Variants in CSMD1 observed in about 807,000 individuals in gnomAD.
The protein encoded by CSMD1 is CUB and Sushi multiple domains 1.
Under a neutral mutation model 417.5 loss-of-function variants are expected in CSMD1, and 213 were observed. The observed-to-expected ratio is 0.51, with a 90% CI of 0.46 to 0.57. The LOEUF (loss-of-function observed/expected upper bound fraction) is 0.57. Among genes scored for constraint, CSMD1 ranks in the 20% least tolerant of loss-of-function variants. The pLI, the probability that CSMD1 is intolerant of heterozygous loss-of-function variation, is 0.00. For synonymous variants in CSMD1, 2,862 were observed against 1,736.8 expected (o/e 1.65, Z -16.11); for missense variants, 6,923 against 4,529.7 (o/e 1.53, Z -15.17).
chr8:4,874,474 C>T (rs966465232), intron 1 of CSMD1, among the ~76,000 whole-genome samples: 28 of 150,080 alleles, frequency 1.9e-4, no homozygotes, highest in Non-Finnish European at 3.8e-4. Context: ...ACTGCAATCT[C>T]TGCCTCCCAG....
chr8:3,761,645 A>G (rs565824032), intron 5 of CSMD1, among the ~76,000 whole-genome samples: 171 of 151,526 alleles, frequency 1.1e-3, no homozygotes, highest in Middle Eastern at 3.5e-3. Context: ...ATCTGGGATT[A>G]TAGGCACAAA....
chr8:4,247,925 G>C (rs1024679580), intron 3 of CSMD1, among the ~76,000 whole-genome samples: 1 of 152,058 alleles, frequency 6.6e-6, no homozygotes, highest in African/African-American at 2.4e-5. Context: ...TGTGATGTAG[G>C]TACATTAATC....
At chr8:4,967,231 A>G (rs540161640) in intron 1 of CSMD1, among the ~76,000 whole-genome samples, 11 of 152,338 alleles carry the variant, frequency 7.2e-5, no homozygotes, top group Non-Finnish European at 7.3e-5. Flanking sequence ...TAAGTAAAAA[A>G]TCAAAGTTGG....
intron 17 of CSMD1, among the ~76,000 whole-genome samples, chr8:3,393,679 G>T (rs940050585): frequency 6.6e-6 from 1 of 151,912 alleles, no homozygotes. Context: ...ATGAGTTCAT[G>T]TCTTTTGTAG....
At chr8:4,308,062 A>G (rs76993724) in intron 3 of CSMD1, among the ~76,000 whole-genome samples, 2,574 of 152,280 alleles carry the variant, frequency 0.017, 79 homozygotes, top group African/African-American at 0.058. Flanking sequence ...TTTCAGCCTC[A>G]GTTACACACT....
intron 5 of CSMD1, among the ~76,000 whole-genome samples, chr8:3,878,176 G>A (rs1490938261): frequency 1.3e-5 from 2 of 152,020 alleles, no homozygotes; most frequent in Non-Finnish European, 2.9e-5. Flanking sequence ...GATTCAAATG[G>A]AGAATTCCAA....
intron 2 of CSMD1, among the ~76,000 whole-genome samples, chr8:4,608,328 T>C (rs1288446627): frequency 6.6e-6 from 1 of 152,196 alleles, no homozygotes; most frequent in Non-Finnish European, 1.5e-5. Flanking sequence ...AGGAGGCAAC[T>C]ACCCTGACCC....
At chr8:3,662,081 GAGA>G (rs1322678929) in intron 7 of CSMD1, among the ~76,000 whole-genome samples, 1 of 152,146 alleles carries the variant, frequency 6.6e-6, no homozygotes, top group East Asian at 1.9e-4. Context: ...TGTAGAAACA[GAGA>G]AGGAGCATGC....
intron 23 of CSMD1, among the ~76,000 whole-genome samples, chr8:3,336,857 C>A (rs766658369): frequency 6.6e-6 from 1 of 152,100 alleles, no homozygotes; most frequent in Non-Finnish European, 1.5e-5. Flanking sequence ...TGACCTTAAT[C>A]TGTAGCATGT....
chr8:3,136,013 T>C (rs1025543278), intron 41 of CSMD1, among the ~76,000 whole-genome samples: 5 of 152,102 alleles, frequency 3.3e-5, no homozygotes, highest in Non-Finnish European at 7.4e-5. Flanking sequence ...ACCTTGCACT[T>C]CTTTCCTAAA....
chr8:4,117,015 C>T (rs1449945549), intron 3 of CSMD1, among the ~76,000 whole-genome samples: 1 of 151,898 alleles, frequency 6.6e-6, no homozygotes, highest in East Asian at 1.9e-4. Flanking sequence ...TGACGCTTAA[C>T]CTTTTTTTTT....
At chr8:4,471,938 G>A (rs1239543603) in intron 2 of CSMD1, among the ~76,000 whole-genome samples, 1 of 152,140 alleles carries the variant, frequency 6.6e-6, no homozygotes, top group Non-Finnish European at 1.5e-5. Flanking sequence ...GGACTTTATA[G>A]AGGGTGCAAA....
At chr8:4,239,507 G>C (rs548858338) in intron 3 of CSMD1, among the ~76,000 whole-genome samples, 1 of 152,254 alleles carries the variant, frequency 6.6e-6, no homozygotes, top group East Asian at 1.9e-4. Flanking sequence ...CCCCAGTCTG[G>C]TCCTCAGAGC....
intron 3 of CSMD1, among the ~76,000 whole-genome samples, chr8:4,123,862 G>C (rs919593740): frequency 1.3e-5 from 2 of 152,116 alleles, no homozygotes; most frequent in Non-Finnish European, 2.9e-5. Flanking sequence ...CTTTCAACGA[G>C]ATACACATTC....
rs6987391 is a variant in CSMD1 at position 4,540,896 on chromosome 8, C to T, written c.302+96446G>A. Reference sequence around the variant, plus strand: ...TCTGACTCTCCGCCACTCTGCTAGTCTGCTATTTAATTTTATGAGGCTGTA... The same window carrying T: ...TCTGACTCTCCGCCACTCTGCTAGTTTGCTATTTAATTTTATGAGGCTGTA... On this transcript the variant is annotated intron_variant, in intron 2 of 69. Coordinates refer to ENST00000635120, the MANE Select transcript of CSMD1 (RefSeq NM_033225.6). 1.2e-4 allele frequency among the ~76,000 whole-genome samples: 19 copies of T among 152,250 alleles called. No homozygotes were observed. The East Asian group carries it at 3.5e-3, about 28-fold the overall frequency.
At chr8:4,095,025 G>C (rs146727166) in intron 3 of CSMD1, among the ~76,000 whole-genome samples, 9 of 152,280 alleles carry the variant, frequency 5.9e-5, no homozygotes, top group Non-Finnish European at 8.8e-5. Flanking sequence ...TGGCAACAAA[G>C]ATCTTGAGAA....
intron 3 of CSMD1, among the ~76,000 whole-genome samples, chr8:4,097,861 G>A (rs939894149): frequency 2.0e-5 from 3 of 152,152 alleles, no homozygotes; most frequent in Non-Finnish European, 4.4e-5. Context: ...TTACACTACT[G>A]TGTGACTACG....
At chr8:4,634,667 T>C (rs1167285384) in intron 2 of CSMD1, among the ~76,000 whole-genome samples, 1 of 152,180 alleles carries the variant, frequency 6.6e-6, no homozygotes, top group Non-Finnish European at 1.5e-5. Context: ...GTTTGAGAAA[T>C]AAACAACTGT....
chr8:4,726,946 G>T (rs1030040544), intron 1 of CSMD1, among the ~76,000 whole-genome samples: 6 of 152,018 alleles, frequency 3.9e-5, no homozygotes, highest in African/African-American at 1.5e-4. Context: ...TTGTACATAT[G>T]TACTTAAAAA....
Sources: allele counts gnomAD v4.1 joint callset (sites outside exome capture counted in the v4.1 genomes callset), GRCh38; gene constraint gnomAD v4.1.1; transcripts MANE v1.5; gene names NCBI Gene and HGNC (gene_info 2026-07-23, HGNC 2026-07-21).